TAF4B: variants seen among roughly 807,000 people sequenced by gnomAD.
The protein encoded by TAF4B is transcription initiation factor TFIID subunit 4B.
In TAF4B, 38 loss-of-function variants were observed where a neutral mutation model predicts 86.4. The ratio of observed to expected loss-of-function variants is 0.44; its 90% CI spans 0.34 to 0.58. The LOEUF (loss-of-function observed/expected upper bound fraction) is 0.58. Ranked by LOEUF, TAF4B falls within the 20% of genes least tolerant of loss-of-function variation. TAF4B has a pLI of 0.02. For synonymous variants in TAF4B, 388 were observed against 391.2 expected, an observed-to-expected ratio of 0.99 and a Z score of 0.10; for missense variants, 988 against 1,027.6, an observed-to-expected ratio of 0.96 and a Z score of 0.53.
intron 5 of TAF4B, among the ~76,000 whole-genome samples, chr18:26,275,754 G>A (rs1313891705): frequency 6.6e-6 from 1 of 152,090 alleles, no homozygotes; most frequent in Non-Finnish European, 1.5e-5. Flanking sequence ...AGTGGCTCAT[G>A]CCTGTAATCC....
At chr18:26,368,312 G>A (rs908187433) in intron 14 of TAF4B, among the ~76,000 whole-genome samples, 2 of 152,078 alleles carry the variant, frequency 1.3e-5, no homozygotes, top group Admixed American at 6.5e-5. Flanking sequence ...GAAATACTAA[G>A]CCTGAAATTA....
chr18:26,335,080 T>C, intron 12 of TAF4B, 95 bp from the exon 13 acceptor site: 1 of 899,934 alleles, frequency 1.1e-6, no homozygotes, highest in Non-Finnish European at 1.7e-6. Flanking sequence ...AGATATTCAA[T>C]CACAAGAGAA....
chr18:26,232,000 T>G (rs927516006), intron 1 of TAF4B, among the ~76,000 whole-genome samples: 1 of 152,154 alleles, frequency 6.6e-6, no homozygotes, highest in African/African-American at 2.4e-5. Flanking sequence ...TTGGTGCATT[T>G]TACAGAGCGC....
At chr18:26,293,620 TATACTG>T in intron 9 of TAF4B, 89 bp downstream of exon 9, 3 of 718,622 alleles carry the variant, frequency 4.2e-6, no homozygotes, top group Non-Finnish European at 4.4e-6. Context: ...CTAAAATAGA[TATACTG>T]ATGCCTTTTT....
chr18:26,232,532 C>A (rs1175427275), intron 1 of TAF4B, among the ~76,000 whole-genome samples: 1 of 152,190 alleles, frequency 6.6e-6, no homozygotes, highest in Non-Finnish European at 1.5e-5. Context: ...AGCAAGATGG[C>A]TGTCACAGGA....
intron 1 of TAF4B, among the ~76,000 whole-genome samples, chr18:26,244,334 T>C (rs1330354442): frequency 1.3e-5 from 2 of 152,234 alleles, no homozygotes; most frequent in African/African-American, 4.8e-5. Flanking sequence ...ACTGCTGTGC[T>C]AGCAGTGAGC....
chr18:26,233,288 A>G (rs950188925), intron 1 of TAF4B, among the ~76,000 whole-genome samples: 1 of 152,176 alleles, frequency 6.6e-6, no homozygotes, highest in Non-Finnish European at 1.5e-5. Flanking sequence ...TTTTGTATCT[A>G]CTAGGAAGCA....
At chr18:26,291,522 C>A (rs1253933759) in intron 7 of TAF4B, among the ~76,000 whole-genome samples, 2 of 151,968 alleles carry the variant, frequency 1.3e-5, no homozygotes, top group African/African-American at 2.4e-5. Context: ...GCCTGGCCAA[C>A]ATAGTGAAAC....
At chr18:26,336,127 C>G (rs1169775152) in intron 13 of TAF4B, among the ~76,000 whole-genome samples, 2 of 152,150 alleles carry the variant, frequency 1.3e-5, no homozygotes, top group Non-Finnish European at 2.9e-5. Context: ...AAGGATCTGA[C>G]AGCAGATGAT....
At chr18:26,249,508 G>T (rs894119126) in intron 1 of TAF4B, among the ~76,000 whole-genome samples, 5 of 151,798 alleles carry the variant, frequency 3.3e-5, no homozygotes, top group Non-Finnish European at 5.9e-5. Flanking sequence ...ACGGTGAATT[G>T]AGTGCTGAAA....
chr18:26,263,323 G>C (rs1473674390), intron 1 of TAF4B, among the ~76,000 whole-genome samples: 1 of 149,632 alleles, frequency 6.7e-6, no homozygotes, highest in African/African-American at 2.5e-5. Flanking sequence ...ATGTAAAGTT[G>C]AAGAAAGTAG....
intron 1 of TAF4B, among the ~76,000 whole-genome samples, chr18:26,242,449 C>T (rs971592719): frequency 6.6e-6 from 1 of 152,140 alleles, no homozygotes; most frequent in Non-Finnish European, 1.5e-5. Flanking sequence ...AGATCTTCCT[C>T]CATCCCTTTA....
intron 3 of TAF4B, 21 bp downstream of exon 3, chr18:26,267,644 G>A (rs745396885): frequency 1.6e-5 from 25 of 1,525,408 alleles, no homozygotes; most frequent in South Asian, 7.9e-5. Flanking sequence ...CTGGCCATTC[G>A]TGCACTTGTT....
rs770996415 is a variant in TAF4B, at chr18:26,274,697, C to T, written c.632C>T (p.Thr211Ile). 16 of 1,614,056 alleles carry T rather than the reference C, an allele frequency of 9.9e-6. No individual in the cohort carries two copies. The highest frequency in any genetic ancestry group is 1.6e-4 in the Middle Eastern group (1 of 6,084). Residue 211 changes from threonine (T) to isoleucine (I), a missense_variant, in exon 4 of 15, where the codon ACT (threonine) becomes ATT (isoleucine). Transcript: ENST00000269142. ...VAVPTSVVTVTPGKPLNTVTT... is the reference protein window; with the variant it reads ...VAVPTSVVTVIPGKPLNTVTT... ...GTGCCAACCAGTGTCGTCACAGTTACTCCTGGAAAGCCATTGAATACTGTA... is the reference window on the plus strand; with the variant it reads ...GTGCCAACCAGTGTCGTCACAGTTATTCCTGGAAAGCCATTGAATACTGTA...
chr18:26,242,988 C>A (rs921783058), intron 1 of TAF4B, among the ~76,000 whole-genome samples: 1 of 152,206 alleles, frequency 6.6e-6, no homozygotes, highest in Non-Finnish European at 1.5e-5. Flanking sequence ...TGTAGGTAAC[C>A]TGACCTTTCT....
intron 1 of TAF4B, among the ~76,000 whole-genome samples, chr18:26,259,426 C>G (rs2056132616): frequency 2.0e-5 from 3 of 151,926 alleles, no homozygotes; most frequent in Non-Finnish European, 4.4e-5. Flanking sequence ...TAATGCATCC[C>G]TCCCCCCTCC....
chr18:26,307,077 C>A (rs1316869942), intron 9 of TAF4B, among the ~76,000 whole-genome samples: 1 of 152,094 alleles, frequency 6.6e-6, no homozygotes, highest in Non-Finnish European at 1.5e-5. Context: ...GCATGAGCCA[C>A]CGTGCCCAGC....
intron 13 of TAF4B, among the ~76,000 whole-genome samples, chr18:26,337,821 G>C (rs2057105189): frequency 6.6e-6 from 1 of 152,162 alleles, no homozygotes; most frequent in Admixed American, 6.5e-5. Context: ...TATAAACTGT[G>C]ATGCTTTGGG....
intron 6 of TAF4B, among the ~76,000 whole-genome samples, chr18:26,283,446 G>A (rs766267954): frequency 1.7e-4 from 25 of 150,142 alleles, no homozygotes; most frequent in Non-Finnish European, 3.3e-4. Flanking sequence ...TTTTTCTTCT[G>A]AGCAGTAGTT....
Sources: allele counts gnomAD v4.1 joint callset (sites outside exome capture counted in the v4.1 genomes callset), GRCh38; gene constraint gnomAD v4.1.1; transcripts MANE v1.5; gene names NCBI Gene and HGNC (gene_info 2026-07-23, HGNC 2026-07-21).